The following E2F2 variants were observed in gnomAD, a reference collection of about 807,000 sequenced individuals.
E2F2 encodes the protein transcription factor E2F2.
In E2F2, 22 loss-of-function variants were observed where a neutral mutation model predicts 42.2. The ratio of observed to expected loss-of-function variants is 0.52; its 90% CI spans 0.37 to 0.74. E2F2 has a LOEUF of 0.74. Ranked by LOEUF, E2F2 falls within the 30% of genes least tolerant of loss-of-function variation. The pLI, the probability that E2F2 is intolerant of heterozygous loss-of-function variation, is 0.00. For synonymous variants in E2F2, 248 were observed against 251.6 expected (o/e 0.99, Z 0.13); for missense variants, 481 against 557.8 (o/e 0.86, Z 1.39).
chr1:23,530,257 A>G lies in E2F2; in HGVS notation c.252+285T>C, dbSNP rs1159869548. Among the ~76,000 whole-genome samples the G allele has an allele frequency of 2.6e-5, 4 of 152,334 alleles. No individual in the cohort carries two copies. The highest frequency in any genetic ancestry group is 1.9e-4 in the East Asian group (1 of 5,184). On this transcript the variant is annotated intron_variant, in intron 1 of 6. Coordinates refer to ENST00000361729, the MANE Select transcript of E2F2 (RefSeq NM_004091.4). This position sits in a 1 kb window ranked among gnomAD's most constrained non-coding sequence, Gnocchi z 4.4. ...AACGCTGGCTGCATGGACTTCCCCAAGGTCACACAGTGCACTGGGAGTAGT... is the reference window on the plus strand; with the variant it reads ...AACGCTGGCTGCATGGACTTCCCCAGGGTCACACAGTGCACTGGGAGTAGT...
At chr1:23,518,882 T>C in intron 5 of E2F2, 134 bp downstream of exon 5, 3 of 600,804 alleles carry the variant, frequency 5.0e-6, no homozygotes, top group Non-Finnish European at 8.5e-6. Flanking sequence ...AGGCCACCAA[T>C]ATTGCCATGG....
At chr1:23,516,306 C>T in intron 6 of E2F2, 29 bp downstream of exon 6, 1 of 1,461,074 alleles carries the variant, frequency 6.8e-7, no homozygotes, top group Non-Finnish European at 9.0e-7. Flanking sequence ...TCTCCCCCCA[C>T]CTCCTGTCCC....
rs536543246 is a variant in E2F2 at position 23,530,346 on chromosome 1, T to C, written c.252+196A>G. On this transcript the variant is annotated intron_variant, in intron 1 of 6. Coordinates refer to ENST00000361729, the MANE Select transcript of E2F2 (RefSeq NM_004091.4). The surrounding 1 kb of genome is among the most constrained non-coding windows in gnomAD (Gnocchi z 4.4). ...TTCCACTCCACTAGAATGGATGAGA[T>C]TATTTCATCCAAAGTCTGAAAATGA... 6.6e-6 allele frequency among the ~76,000 whole-genome samples: 1 copy of C among 152,370 alleles called. No individual in the cohort carries two copies. Among genetic ancestry groups the C allele is most frequent in the South Asian group, 2.1e-4 (1 of 4,832 alleles).
intron 1 of E2F2, among the ~76,000 whole-genome samples, chr1:23,525,197 C>T (rs1004635171): frequency 1.4e-5 from 2 of 142,050 alleles, no homozygotes; most frequent in Admixed American, 6.8e-5. Flanking sequence ...CACCCCCCCC[C>T]TCCAGCTCCC....
At position 23,531,031 on chromosome 1, in the gene E2F2, G is replaced by A; in HGVS notation, c.-238C>T. The A allele has an allele frequency of 2.3e-6, 1 of 444,188 alleles. No homozygotes were observed. Among genetic ancestry groups the A allele is most frequent in the East Asian group, 3.6e-5 (1 of 27,732 alleles). The allele number at this position is 444,188 out of a possible 1,614,324, so 27.5% of individuals were successfully genotyped here. Reference sequence around the variant, plus strand: ...GCGGCTGCGGTGGTGGCACTGCCAGGGGCTGTCTCGTCCCGAGGGCACCGC... The same window carrying A: ...GCGGCTGCGGTGGTGGCACTGCCAGAGGCTGTCTCGTCCCGAGGGCACCGC... On this transcript the variant is annotated 5_prime_UTR_variant, in exon 1 of 7. Transcript: ENST00000361729.
At chr1:23,524,565 G>A (rs1643217128) in intron 1 of E2F2, 77 bp from the exon 2 acceptor site, 2 of 1,356,388 alleles carry the variant, frequency 1.5e-6, no homozygotes, top group East Asian at 5.1e-5. Context: ...TGGGGCCAAA[G>A]CAATGAAGCC....
chr1:23,525,197 C>G (rs1004635171), intron 1 of E2F2, among the ~76,000 whole-genome samples: 1 of 142,050 alleles, frequency 7.0e-6, no homozygotes, highest in Non-Finnish European at 1.6e-5. Flanking sequence ...CACCCCCCCC[C>G]TCCAGCTCCC....
At chr1:23,525,167 T>C (rs377503871) in intron 1 of E2F2, among the ~76,000 whole-genome samples, 4 of 150,774 alleles carry the variant, frequency 2.7e-5, no homozygotes, top group African/African-American at 9.7e-5. Context: ...TCCCGTGTCT[T>C]AAGGACAAGC....
At chr1:23,526,334 T>C (rs1438784249) in intron 1 of E2F2, among the ~76,000 whole-genome samples, 1 of 152,054 alleles carries the variant, frequency 6.6e-6, no homozygotes, top group Admixed American at 6.6e-5. Context: ...CTAATCCCCA[T>C]TGTACAGCTG....
chr1:23,511,381 C>A (rs554080291), intron 6 of E2F2, among the ~76,000 whole-genome samples: 6 of 152,074 alleles, frequency 3.9e-5, no homozygotes, highest in African/African-American at 1.4e-4. Flanking sequence ...ACCACTGGTG[C>A]GTGCCACCAT....
chr1:23,519,836 C>T (rs371054511), intron 4 of E2F2, among the ~76,000 whole-genome samples: 443 of 151,898 alleles, frequency 2.9e-3, no homozygotes, highest in African/African-American at 0.01. Context: ...CTAGCACTTA[C>T]GAAGGCTGAG....
At chr1:23,528,396 G>A (rs1107081) in intron 1 of E2F2, among the ~76,000 whole-genome samples, 9,762 of 152,264 alleles carry the variant, frequency 0.064, 352 homozygotes, top group South Asian at 0.12. Flanking sequence ...TCCAGGTCAC[G>A]CCCTTGTAAA....
rs1387347079 is a variant in E2F2 at position 23,522,098 on chromosome 1, G to A, written c.359-42C>T. 3.8e-6 allele frequency: 6 copies of A among 1,586,462 alleles called. No individual in the cohort carries two copies. The Admixed American group carries it at 8.4e-5, about 22-fold the overall frequency. On this transcript the variant is annotated intron_variant, in intron 2 of 6. Coordinates refer to ENST00000361729, the MANE Select transcript of E2F2 (RefSeq NM_004091.4). ...CCCAGTCACAGCTCAGGGAGGGGAG[G>A]GCCCGCCCAGGACCCTCGTCCATTG...
chr1:23,518,096 G>A (rs567540209), intron 5 of E2F2, among the ~76,000 whole-genome samples: 17 of 152,096 alleles, frequency 1.1e-4, no homozygotes, highest in Non-Finnish European at 1.9e-4. Context: ...GCTTGAACCC[G>A]GGAGGCAGAG....
intron 6 of E2F2, among the ~76,000 whole-genome samples, chr1:23,512,499 ACAGT>A (rs1642929319): frequency 6.6e-6 from 1 of 152,188 alleles, no homozygotes; most frequent in South Asian, 2.1e-4. Context: ...TGCTGATGTT[ACAGT>A]CAGAGGCCTG....
intron 5 of E2F2, among the ~76,000 whole-genome samples, 163 bp from the exon 6 acceptor site, chr1:23,516,690 G>T (rs1261505079): frequency 1.3e-5 from 2 of 150,826 alleles, no homozygotes; most frequent in Non-Finnish European, 2.9e-5. Context: ...GTGGACTTCC[G>T]CTGTTTCTGC....
chr1:23,528,763 A>G (rs1343857253), intron 1 of E2F2, among the ~76,000 whole-genome samples: 2 of 152,186 alleles, frequency 1.3e-5, no homozygotes, highest in African/African-American at 4.8e-5. Flanking sequence ...GGTTCAAAGC[A>G]GTGTAAAACC....
In E2F2 at chr1:23,520,909, A is replaced by G. The variant is rs752147656; in HGVS notation, c.737+4T>C. The stretch of plus-strand genomic sequence containing the variant: ...TGACACCTTCCCCCAACCAAGGAGG[A>G]TATCTCTTGTTGGCCTTGTCCTCAG... On this transcript the variant is annotated splice_donor_region_variant and intron_variant, in intron 4 of 6. Coordinates refer to ENST00000361729, the MANE Select transcript of E2F2 (RefSeq NM_004091.4). 1 of 1,576,288 alleles carries G rather than the reference A, an allele frequency of 6.3e-7. No homozygotes were observed. The highest frequency in any genetic ancestry group is 8.6e-7 in the Non-Finnish European group (1 of 1,160,814).
At chr1:23,520,790 C>T in intron 4 of E2F2, 123 bp downstream of exon 4, 1 of 1,045,158 alleles carries the variant, frequency 9.6e-7, no homozygotes, top group Non-Finnish European at 1.3e-6. Context: ...AGAAGAAAAG[C>T]CACCCAGGAA....
Sources: gnomAD v4.1 joint callset for allele counts (sites outside exome capture counted in the v4.1 genomes callset) on GRCh38, gnomAD v4.1.1 for gene constraint, Gnocchi (gnomAD v3.1) non-coding constraint, MANE v1.5 for transcripts, NCBI Gene and HGNC (gene_info 2026-07-23, HGNC 2026-07-21) for gene names.